The following VAV1 variants were observed in gnomAD, a reference collection of about 807,000 sequenced individuals.
The protein encoded by VAV1 is proto-oncogene vav.
In VAV1, 33 loss-of-function variants were observed where a neutral mutation model predicts 128.1. The observed-to-expected ratio is 0.26, with a 90% CI of 0.20 to 0.34. The LOEUF is 0.34. Among genes scored for constraint, VAV1 ranks in the 10% least tolerant of loss-of-function variants. The pLI is 1.00. For missense variants in VAV1, 715 were observed against 1,093.7 expected, an observed-to-expected ratio of 0.65 and a Z score of 4.88; for synonymous variants, 394 against 409.8, an observed-to-expected ratio of 0.96 and a Z score of 0.47.
intron 1 of VAV1, among the ~76,000 whole-genome samples, chr19:6,783,470 C>CTTT (rs61101390): frequency 0.02 from 2,282 of 113,748 alleles, 46 homozygotes; most frequent in South Asian, 0.049. Flanking sequence ...CACCTCCATC[C>CTTT]TTTTTTTTTT....
intron 21 of VAV1, 69 bp downstream of exon 21, chr19:6,837,119 C>A (rs1450101187): frequency 4.0e-6 from 6 of 1,518,548 alleles, no homozygotes; most frequent in Non-Finnish European, 5.5e-6. Flanking sequence ...GATGGACAGA[C>A]TTGGAAAGAC....
intron 15 of VAV1, among the ~76,000 whole-genome samples, chr19:6,832,708 T>C (rs987867699): frequency 2.7e-5 from 4 of 149,512 alleles, no homozygotes; most frequent in Non-Finnish European, 5.9e-5. Context: ...CCTTTCCTCC[T>C]CTTCCTCTTC....
rs370716087 is a variant in VAV1, at chr19:6,820,770, C to A, written c.273C>A (p.Ser91Arg). Residue 91 changes from serine to arginine, a missense_variant, in exon 2 of 27, where the codon AGC becomes AGA. Physicochemically the swap from Ser to Arg is moderately radical, Grantham distance 110 (BLOSUM62 -1). Around this residue, in one of 3 missense-constraint regions of VAV1, gnomAD observed 302 missense variants for 477.8 expected, o/e 0.63. Coordinates refer to ENST00000602142, the MANE Select transcript of VAV1 (RefSeq NM_005428.4). The surrounding 1 kb of genome is among the most constrained non-coding windows in gnomAD (Gnocchi z 4.4). ...GTGAGAAGTTCGGCCTCAAGCGGAG[C>A]GAGCTCTTCGAAGCCTTTGACCTCT... The part of the protein sequence containing the change: ...TCCEKFGLKR[S>R]ELFEAFDLFD... The A allele has an allele frequency of 6.2e-7, 1 of 1,614,196 alleles. No homozygotes were observed. The highest frequency in any genetic ancestry group is 8.5e-7 in the Non-Finnish European group (1 of 1,180,040).
intron 1 of VAV1, among the ~76,000 whole-genome samples, chr19:6,773,418 T>TG (rs1391217620): frequency 6.6e-6 from 1 of 152,150 alleles, no homozygotes; most frequent in African/African-American, 2.4e-5. Flanking sequence ...AGTCTGGATG[T>TG]GGGGGAGGAG....
rs531852007 is a variant in VAV1, at chr19:6,844,256, T to A, written c.2012+1090T>A. Among the ~76,000 whole-genome samples, 22 of 151,784 alleles carry A rather than the reference T, an allele frequency of 1.4e-4. No individual in the cohort carries two copies. The South Asian group carries it at 2.1e-3, about 14-fold the overall frequency. ...GCATGATGATGCTCCCATCTTCTTG[T>A]TGCCCAGGCTGGAGCGCAATGGCGT... On this transcript the variant is annotated intron_variant, in intron 22 of 26. Transcript: ENST00000602142.
At chr19:6,792,983 T>A (rs939958641) in intron 1 of VAV1, among the ~76,000 whole-genome samples, 2 of 151,534 alleles carry the variant, frequency 1.3e-5, no homozygotes, top group Non-Finnish European at 2.9e-5. Context: ...GTGTGGGGGG[T>A]CCAGGTTCCA....
intron 1 of VAV1, among the ~76,000 whole-genome samples, chr19:6,809,412 T>C (rs1437527087): frequency 6.6e-6 from 1 of 152,112 alleles, no homozygotes; most frequent in Non-Finnish European, 1.5e-5. Flanking sequence ...CTGGAAAGTA[T>C]TTGTAATCTA....
In VAV1 at chr19:6,798,186, A is replaced by G. The variant is rs555076142; in HGVS notation, c.205-22516A>G. On this transcript the variant is annotated intron_variant, in intron 1 of 26. Coordinates refer to ENST00000602142, the MANE Select transcript of VAV1 (RefSeq NM_005428.4). ...CAGCTACTCAGGAGGTGGAGGCAGG[A>G]GAATCGCTTGAACCTGGGAGGCGGA... Among the ~76,000 whole-genome samples the G allele has an allele frequency of 5.4e-4, 82 of 152,196 alleles. 1 individual carries two copies. The highest frequency in any genetic ancestry group is 1.9e-3 in the African/African-American group (79 of 41,532).
At chr19:6,783,466 C>T (rs560484178) in intron 1 of VAV1, among the ~76,000 whole-genome samples, 54 of 143,216 alleles carry the variant, frequency 3.8e-4, no homozygotes, top group African/African-American at 1.4e-3. Context: ...CCATCACCTC[C>T]ATCCTTTTTT....
chr19:6,776,159 C>CCATCCATCCAT lies in VAV1; in HGVS notation c.204+3149_204+3150insATCCATCCATC, dbSNP rs1568278870. On this transcript the variant is annotated intron_variant, in intron 1 of 26. Transcript: ENST00000602142. Reference sequence around the variant, plus strand: ...ATTCATCCATCTGCTCATCTATCCACCCATCCATCCATCCATCCATCCATC... The same window carrying CCATCCATCCAT: ...ATTCATCCATCTGCTCATCTATCCACCATCCATCCATCCATCCATCCATCCATCCATCCATC... 1.7e-3 allele frequency among the ~76,000 whole-genome samples: 216 copies of CCATCCATCCAT among 130,364 alleles called. 4 individuals are homozygous for CCATCCATCCAT. Among genetic ancestry groups the CCATCCATCCAT allele is most frequent in the African/African-American group, 6.0e-3 (200 of 33,610 alleles). 85.5% of individuals were successfully genotyped at this position (130,364 alleles called of 152,430 possible).
At chr19:6,839,366 C>A (rs551670543) in intron 21 of VAV1, among the ~76,000 whole-genome samples, 1 of 151,722 alleles carries the variant, frequency 6.6e-6, no homozygotes, top group African/African-American at 2.4e-5. Flanking sequence ...TAAAACTGAC[C>A]GTTACAATGA....
At chr19:6,808,344 T>C (rs114064622) in intron 1 of VAV1, among the ~76,000 whole-genome samples, 3,854 of 151,954 alleles carry the variant, frequency 0.025, 81 homozygotes, top group African/African-American at 0.052. Flanking sequence ...CCCCAACCAA[T>C]TCTCTCCTCC....
In VAV1 at chr19:6,852,995, C is replaced by G; in HGVS notation, c.2248C>G (p.Leu750Val). 2 of 1,611,234 alleles carry G rather than the reference C, an allele frequency of 1.2e-6. No homozygotes were observed. The highest frequency in any genetic ancestry group is 1.7e-6 in the Non-Finnish European group (2 of 1,178,158). ...ELVEFYQQNSLKDCFKSLDTT... is the reference protein window; with the variant it reads ...ELVEFYQQNSVKDCFKSLDTT... ...GGTGGAGTTTTACCAGCAGAACTCTCTAAAGGATTGCTTCAAGTCTCTGGA... is the reference window on the plus strand; with the variant it reads ...GGTGGAGTTTTACCAGCAGAACTCTGTAAAGGATTGCTTCAAGTCTCTGGA... The change falls in exon 25 of 27, where the codon CTA (leucine) becomes GTA (valine). Residue 750 changes from leucine to valine, a missense_variant. Physicochemically the swap from Leu to Val is conservative, Grantham distance 32. Coordinates refer to ENST00000602142, the MANE Select transcript of VAV1 (RefSeq NM_005428.4).
intron 1 of VAV1, among the ~76,000 whole-genome samples, chr19:6,802,089 G>A (rs907515656): frequency 2.1e-4 from 32 of 150,764 alleles, no homozygotes; most frequent in Non-Finnish European, 7.4e-5. Flanking sequence ...CTATAGCAAG[G>A]ACAAAAAACC....
rs758328439 is a variant in VAV1, at chr19:6,773,025, G to A, written c.204+14G>A. ...CAGATGTCCCAGGTGAGCCCTCCGC[G>A]GGCAGGTGTGCTGAGGGTTGGAGAC... On this transcript the variant is annotated intron_variant, in intron 1 of 26. Transcript: ENST00000602142. 4 of 1,614,014 alleles carry A rather than the reference G, an allele frequency of 2.5e-6. No homozygotes were observed. In the East Asian group the frequency reaches 6.7e-5, roughly 27 times the overall value.
intron 1 of VAV1, among the ~76,000 whole-genome samples, chr19:6,790,673 G>C (rs964952856): frequency 3.3e-5 from 5 of 152,336 alleles, no homozygotes; most frequent in African/African-American, 1.2e-4. Flanking sequence ...AGCAGCAGCA[G>C]AGGTACTGTT....
intron 21 of VAV1, among the ~76,000 whole-genome samples, chr19:6,840,788 A>G (rs928011452): frequency 5.9e-5 from 9 of 151,364 alleles, no homozygotes; most frequent in Non-Finnish European, 1.5e-5. Flanking sequence ...TACTTTTAAA[A>G]AAATTTTTGA....
intron 1 of VAV1, among the ~76,000 whole-genome samples, chr19:6,797,009 G>A (rs967771198): frequency 5.3e-5 from 8 of 152,078 alleles, no homozygotes; most frequent in East Asian, 1.9e-4. Flanking sequence ...AGGCCGAGAC[G>A]GGTGGATCAC....
chr19:6,791,383 T>G (rs1254458177), intron 1 of VAV1, among the ~76,000 whole-genome samples: 2 of 152,230 alleles, frequency 1.3e-5, no homozygotes, highest in Non-Finnish European at 2.9e-5. Flanking sequence ...CTTCCTCATC[T>G]TGAGGTCCTT....
Sources: gnomAD v4.1 joint callset for allele counts (sites outside exome capture counted in the v4.1 genomes callset) on GRCh38, gnomAD v4.1.1 for gene constraint, gnomAD v4.1.1 regional missense constraint, Gnocchi (gnomAD v3.1) non-coding constraint, MANE v1.5 for transcripts, NCBI Gene and HGNC (gene_info 2026-07-23, HGNC 2026-07-21) for gene names.